The following UBE3A variants were observed in gnomAD, a reference collection of about 807,000 sequenced individuals.
The protein encoded by UBE3A is ubiquitin protein ligase E3A, also known as ubiquitin-protein ligase E3A.
A neutral mutation model predicts 83.4 loss-of-function variants in UBE3A; 6 were observed. The observed-to-expected ratio is 0.07, with a 90% CI of 0.04 to 0.14. UBE3A has a LOEUF of 0.14. Among genes scored for constraint, UBE3A ranks in the 10% least tolerant of loss-of-function variants. The pLI is 1.00. For missense variants in UBE3A, 456 were observed against 1,036.1 expected, an observed-to-expected ratio of 0.44 and a Z score of 7.69; for synonymous variants, 337 against 355.4, an observed-to-expected ratio of 0.95 and a Z score of 0.58.
At chr15:25,434,561 G>A (rs966218736) in intron 1 of UBE3A, among the ~76,000 whole-genome samples, 2 of 152,114 alleles carry the variant, frequency 1.3e-5, no homozygotes, top group Non-Finnish European at 2.9e-5. Context: ...TCCTTTATTA[G>A]AAGAAATAAC....
intron 4 of UBE3A, among the ~76,000 whole-genome samples, chr15:25,399,673 A>G (rs2086606288): frequency 6.6e-6 from 1 of 151,720 alleles, no homozygotes; most frequent in Admixed American, 6.6e-5. Flanking sequence ...AGCTCAAGCA[A>G]TCCTCCTTCT....
intron 1 of UBE3A, among the ~76,000 whole-genome samples, chr15:25,423,948 C>T (rs1890571669): frequency 6.6e-6 from 1 of 152,156 alleles, no homozygotes; most frequent in African/African-American, 2.4e-5. Context: ...TGTGACCACT[C>T]TGTCCATTTC....
intron 1 of UBE3A, among the ~76,000 whole-genome samples, chr15:25,430,881 A>T (rs1893255272): frequency 6.6e-6 from 1 of 152,178 alleles, no homozygotes. Context: ...ATTCAGCCTA[A>T]AAGAGGGAAT....
intron 11 of UBE3A, among the ~76,000 whole-genome samples, chr15:25,351,313 G>A (rs567855119): frequency 2.7e-4 from 41 of 152,244 alleles, no homozygotes; most frequent in African/African-American, 8.7e-4. Flanking sequence ...TAAAGAATTC[G>A]AGTATCACAA....
At chr15:25,407,343 G>A in intron 3 of UBE3A, 11 of 899,502 alleles carry the variant, frequency 1.2e-5, no homozygotes, top group South Asian at 3.6e-5. Flanking sequence ...AGAGAAGAGA[G>A]GGAAAAAATG....
rs200607511 is a variant in UBE3A at position 25,386,805 on chromosome 15, G to GA, written c.63-11043dup. On this transcript the variant is annotated intron_variant, in intron 4 of 12. Coordinates refer to ENST00000648336, the MANE Select transcript of UBE3A (RefSeq NM_130839.5). ...GAGTGAAATATTCATAGTGTTGAGA[G>GA]AAAAAAAAACCATAAACCTAGCACT... 6.4e-3 allele frequency among the ~76,000 whole-genome samples: 955 copies of GA among 150,302 alleles called. 6 individuals carry two copies. Among genetic ancestry groups the GA allele is most frequent in the Middle Eastern group, 0.01 (3 of 294 alleles).
rs2080303722 is a variant in UBE3A at position 25,371,632 on chromosome 15, T to C, written c.542A>G (p.Lys181Arg). The C allele has an allele frequency of 6.2e-7, 1 of 1,614,006 alleles. No homozygotes were observed. The highest frequency in any genetic ancestry group is 1.7e-5 in the Admixed American group (1 of 60,006). The change falls in exon 6 of 13, where the codon AAA becomes AGA. Residue 181 changes from lysine to arginine, a missense_variant. Around this residue, in one of 13 missense-constraint regions of UBE3A, gnomAD observed 34 missense variants for 79.1 expected, o/e 0.43. Coordinates refer to ENST00000648336, the MANE Select transcript of UBE3A (RefSeq NM_130839.5). The surrounding 1 kb of genome is among the most constrained non-coding windows in gnomAD (Gnocchi z 5.3). ...TKEELKSLQA[K>R]DEDKDEDEKE... ...TTCATCTTCATCTTTGTCTTCATCT[T>C]TTGCTTGAAGAGATTTCAGTTCTTC...
At chr15:25,427,910 A>C (rs781340049) in intron 1 of UBE3A, among the ~76,000 whole-genome samples, 1 of 152,178 alleles carries the variant, frequency 6.6e-6, no homozygotes, top group Non-Finnish European at 1.5e-5. Context: ...CTATAAAAAT[A>C]AGAATAAAAC....
chr15:25,429,631 T>C (rs1567188547), intron 1 of UBE3A, among the ~76,000 whole-genome samples: 1 of 152,032 alleles, frequency 6.6e-6, no homozygotes, highest in Non-Finnish European at 1.5e-5. Flanking sequence ...GGAGGATCAC[T>C]TGAGCCCAGG....
chr15:25,429,482 T>C (rs1413486253), intron 1 of UBE3A, among the ~76,000 whole-genome samples: 2 of 152,088 alleles, frequency 1.3e-5, no homozygotes, highest in East Asian at 1.9e-4. Context: ...AAGCTGATAA[T>C]TACCTTGGAA....
intron 4 of UBE3A, among the ~76,000 whole-genome samples, chr15:25,379,587 T>C (rs2081824334): frequency 6.6e-6 from 1 of 152,184 alleles, no homozygotes; most frequent in Non-Finnish European, 1.5e-5. Context: ...TTAATTTATC[T>C]GACCTCATCT....
chr15:25,345,065 T>C lies in UBE3A; in HGVS notation c.2355-4837A>G, dbSNP rs141469877. On this transcript the variant is annotated intron_variant, in intron 11 of 12. Coordinates refer to ENST00000648336, the MANE Select transcript of UBE3A (RefSeq NM_130839.5). Reference sequence around the variant, plus strand: ...TTATCTACAACAAAACCATGAACCATTGCATATAATTGGACAGAAACAAAG... The same window carrying C: ...TTATCTACAACAAAACCATGAACCACTGCATATAATTGGACAGAAACAAAG... 5.2e-4 allele frequency among the ~76,000 whole-genome samples: 79 copies of C among 152,216 alleles called. No individual in the cohort carries two copies. The East Asian group carries it at 0.013, about 26-fold the overall frequency.
At chr15:25,407,355 G>A in intron 3 of UBE3A, 4 of 818,386 alleles carry the variant, frequency 4.9e-6, no homozygotes, top group Admixed American at 1.2e-4. Context: ...GAAAAAATGA[G>A]GACATGATGA....
In UBE3A at chr15:25,375,715, T is replaced by C; in HGVS notation, c.111A>G (p.Leu37=). 1.9e-6 allele frequency: 3 copies of C among 1,614,018 alleles called. No individual in the cohort carries two copies. Among genetic ancestry groups the C allele is most frequent in the Non-Finnish European group, 2.5e-6 (3 of 1,180,026 alleles). Residue 37 remains leucine, a synonymous_variant, in exon 5 of 13, where the codon TTA becomes TTG. Transcript: ENST00000648336. The part of the protein sequence containing the change: ...KHLIERYYHQ[L]TEGCGNEACT... ...AGGCTTCATTTCCACAGCCCTCAGT[T>C]AACTGGTGGTAGTAGCGTTCTATTA...
Position 25,371,919 on chromosome 15 carries a change from T to A in UBE3A, c.362-107A>T. The stretch of plus-strand genomic sequence containing the variant: ...ACAGCCAAACATTCTAGGCTCAATA[T>A]CATTTATGATATACAACTCTTAAAG... On this transcript the variant is annotated intron_variant, in intron 5 of 12. Coordinates refer to ENST00000648336, the MANE Select transcript of UBE3A (RefSeq NM_130839.5). This position sits in a 1 kb window ranked among gnomAD's most constrained non-coding sequence, Gnocchi z 5.3. The A allele has an allele frequency of 4.6e-6, 5 of 1,075,688 alleles. No homozygotes were observed. Among genetic ancestry groups the A allele is most frequent in the Middle Eastern group, 3.0e-4 (1 of 3,318 alleles). The allele number at this position is 1,075,688 out of a possible 1,614,324, so 66.6% of individuals were successfully genotyped here. A position where few individuals can be genotyped will look rare whatever the true frequency, so the allele number is the denominator to read the frequency against.
chr15:25,340,271 T>C (rs758932084), intron 11 of UBE3A, 43 bp from the exon 12 acceptor site: 9 of 1,592,880 alleles, frequency 5.7e-6, no homozygotes, highest in Non-Finnish European at 6.9e-6. Flanking sequence ...TTGGCATTCA[T>C]TATGACTGGT....
At chr15:25,367,310 A>G (rs1162185457) in intron 6 of UBE3A, among the ~76,000 whole-genome samples, 2 of 141,952 alleles carry the variant, frequency 1.4e-5, no homozygotes, top group African/African-American at 2.8e-5. Flanking sequence ...ATATTAAATT[A>G]AATTACATAT....
chr15:25,409,845 CACAT>C (rs1469294540), intron 2 of UBE3A, among the ~76,000 whole-genome samples: 1 of 152,082 alleles, frequency 6.6e-6, no homozygotes, highest in Admixed American at 6.6e-5. Context: ...TAAACACACA[CACAT>C]AAACACAAAG....
At chr15:25,354,977 T>C (rs181453067) in intron 9 of UBE3A, among the ~76,000 whole-genome samples, 1 of 152,270 alleles carries the variant, frequency 6.6e-6, no homozygotes, top group Non-Finnish European at 1.5e-5. Context: ...ACAGCCAATA[T>C]TAAGCTATGA....
Sources: gnomAD v4.1 joint callset for allele counts (sites outside exome capture counted in the v4.1 genomes callset) on GRCh38, gnomAD v4.1.1 for gene constraint, gnomAD v4.1.1 regional missense constraint, Gnocchi (gnomAD v3.1) non-coding constraint, MANE v1.5 for transcripts, NCBI Gene and HGNC (gene_info 2026-07-23, HGNC 2026-07-21) for gene names.